Variants in IQCK observed in about 807,000 individuals in gnomAD.
IQCK encodes IQ domain-containing protein K.
IQCK carries 29 observed loss-of-function variants against 28.1 expected under a neutral mutation model. The observed-to-expected ratio is 1.03, with a 90% confidence interval of 0.77 to 1.41. The LOEUF is 1.41. IQCK is among the 40% of genes most tolerant of loss of function. The pLI is 0.00. For missense variants in IQCK, 359 were observed against 314.7 expected, an observed-to-expected ratio of 1.14 and a Z score of -1.07; for synonymous variants, 113 against 115.1, an observed-to-expected ratio of 0.98 and a Z score of 0.12.
At chr16:19,724,514 T>C (rs1977594114) in intron 1 of IQCK, among the ~76,000 whole-genome samples, 1 of 151,992 alleles carries the variant, frequency 6.6e-6, no homozygotes, top group Non-Finnish European at 1.5e-5. Flanking sequence ...TGCTACATTT[T>C]TGTTGTTGGG....
chr16:19,758,575 AG>A (rs2055087398), intron 4 of IQCK, among the ~76,000 whole-genome samples: 1 of 152,210 alleles, frequency 6.6e-6, no homozygotes, highest in African/African-American at 2.4e-5. Flanking sequence ...TACAATTGCC[AG>A]ATTGTTTAAA....
intron 9 of IQCK, among the ~76,000 whole-genome samples, chr16:19,856,026 G>C (rs1458449740): frequency 6.6e-6 from 1 of 152,118 alleles, no homozygotes; most frequent in East Asian, 1.9e-4. Flanking sequence ...CCGAGATCAG[G>C]TTCTTGGTCC....
intron 6 of IQCK, among the ~76,000 whole-genome samples, chr16:19,771,131 G>A (rs1354021634): frequency 1.3e-5 from 2 of 152,168 alleles, no homozygotes; most frequent in Non-Finnish European, 2.9e-5. Context: ...TCCCTCTGTT[G>A]CCCAGGCTGA....
rs1438195739 is a variant in IQCK, at chr16:19,799,607, C to CACACAA, written c.690+10690_690+10691insAACACA. ...TTATATATATATATATACACACACA[C>CACACAA]ACACACACACACACACACACACACA... is the stretch of plus-strand genomic sequence containing the variant. On this transcript the variant is annotated intron_variant, in intron 7 of 7. Transcript: ENST00000564186. Among the ~76,000 whole-genome samples, 8 of 140,582 alleles carry CACACAA rather than the reference C, an allele frequency of 5.7e-5. No homozygotes were observed. The East Asian group carries it at 1.6e-3, about 27-fold the overall frequency. The allele number at this position is 140,582 out of a possible 152,430, so 92.2% of individuals were successfully genotyped here.
intron 7 of IQCK, among the ~76,000 whole-genome samples, chr16:19,820,195 G>A (rs187019654): frequency 1.4e-3 from 205 of 149,876 alleles, no homozygotes; most frequent in South Asian, 2.4e-3. Flanking sequence ...GACACCAAAA[G>A]CACAAATAAC....
chr16:19,783,539 G>A (rs1567555841), intron 6 of IQCK, among the ~76,000 whole-genome samples: 1 of 146,240 alleles, frequency 6.8e-6, no homozygotes, highest in Non-Finnish European at 1.5e-5. Context: ...CCCTGGTGAT[G>A]AGCAGTCGCC....
chr16:19,744,359 G>A (rs575674390), intron 4 of IQCK, among the ~76,000 whole-genome samples: 1 of 152,184 alleles, frequency 6.6e-6, no homozygotes, highest in East Asian at 1.9e-4. Flanking sequence ...TCAAACTCCT[G>A]AGCTCAAGTG....
At chr16:19,786,023 G>C (rs1402349200) in intron 6 of IQCK, among the ~76,000 whole-genome samples, 1 of 152,188 alleles carries the variant, frequency 6.6e-6, no homozygotes, top group South Asian at 2.1e-4. Context: ...AAGGCTGCTG[G>C]GAGGGGATCC....
At chr16:19,735,396 G>T in exon 4 of IQCK, 1 of 1,614,042 alleles carries the variant, frequency 6.2e-7, no homozygotes, top group Non-Finnish European at 8.5e-7. Flanking sequence ...TTCCTGTTCT[G>T]CTTCCCGGAA....
At chr16:19,823,493 C>T (rs1397949965) in intron 7 of IQCK, among the ~76,000 whole-genome samples, 1 of 152,102 alleles carries the variant, frequency 6.6e-6, no homozygotes, top group African/African-American at 2.4e-5. Flanking sequence ...GAAGAGGACA[C>T]CTGGGGTCCC....
chr16:19,742,871 C>G (rs1451862147), intron 4 of IQCK, among the ~76,000 whole-genome samples: 1 of 152,094 alleles, frequency 6.6e-6, no homozygotes. Context: ...AATATGGATT[C>G]TCAAAAGATG....
intron 4 of IQCK, among the ~76,000 whole-genome samples, chr16:19,754,170 G>A (rs6497400): frequency 0.025 from 3,874 of 152,242 alleles, 155 homozygotes; most frequent in African/African-American, 0.089. Context: ...GTCAGGAGCT[G>A]CAGGGTGGCA....
intron 9 of IQCK, among the ~76,000 whole-genome samples, chr16:19,841,131 C>A (rs1328893729): frequency 6.6e-6 from 1 of 152,108 alleles, no homozygotes; most frequent in African/African-American, 2.4e-5. Flanking sequence ...TAAAACCTGT[C>A]CCCATATCAA....
chr16:19,773,406 C>T (rs1189962029), intron 6 of IQCK, among the ~76,000 whole-genome samples: 6 of 152,268 alleles, frequency 3.9e-5, no homozygotes, highest in Non-Finnish European at 7.4e-5. Context: ...AACCCAGTTT[C>T]CCCAGAAACA....
chr16:19,832,319 A>G (rs960198548), intron 9 of IQCK, among the ~76,000 whole-genome samples: 11 of 152,128 alleles, frequency 7.2e-5, no homozygotes, highest in Non-Finnish European at 1.6e-4. Context: ...TATTCTTTAT[A>G]TATGCACAAA....
intron 4 of IQCK, among the ~76,000 whole-genome samples, chr16:19,757,532 G>A (rs1444890837): frequency 6.6e-6 from 1 of 152,132 alleles, no homozygotes; most frequent in Non-Finnish European, 1.5e-5. Context: ...AATTAGCCAG[G>A]CCATGGTAAT....
Position 19,805,876 on chromosome 16 carries a change from G to A in IQCK, c.690+16954G>A, listed in dbSNP as rs111604406. 2.1e-3 allele frequency among the ~76,000 whole-genome samples: 314 copies of A among 151,964 alleles called. 1 individual carries two copies. Among genetic ancestry groups the A allele is most frequent in the Middle Eastern group, 3.4e-3 (1 of 292 alleles). On this transcript the variant is annotated intron_variant, in intron 7 of 7. Coordinates refer to ENST00000564186, the Ensembl canonical transcript of IQCK. The stretch of plus-strand genomic sequence containing the variant: ...AAAGATAGTTTGGTGGGGTGGGGGG[G>A]CTAGGGAATGGGTGCTGCTGATTGG...
chr16:19,782,578 T>C (rs1230167976), intron 6 of IQCK, among the ~76,000 whole-genome samples: 1 of 151,802 alleles, frequency 6.6e-6, no homozygotes, highest in African/African-American at 2.4e-5. Context: ...CAGTGAGCTA[T>C]GATCATGCCA....
At chr16:19,775,809 TA>T (rs2055384134) in intron 6 of IQCK, among the ~76,000 whole-genome samples, 1 of 143,556 alleles carries the variant, frequency 7.0e-6, no homozygotes, top group Non-Finnish European at 1.5e-5. Context: ...GAGGCAGGGA[TA>T]CGTAAAGGAA....
Sources: allele counts gnomAD v4.1 joint callset (sites outside exome capture counted in the v4.1 genomes callset), GRCh38; gene constraint gnomAD v4.1.1; transcripts MANE v1.5; gene names NCBI Gene and HGNC (gene_info 2026-07-23, HGNC 2026-07-21).